Variants in TAB2 observed in about 807,000 individuals in gnomAD.
TAB2 encodes the protein TGF-beta-activated kinase 1 and MAP3K7-binding protein 2.
In TAB2, 3 loss-of-function variants were observed where a neutral mutation model predicts 65.0. That is an observed-to-expected ratio of 0.05 (90% CI 0.02 to 0.12). The LOEUF is 0.12. Among genes scored for constraint, TAB2 ranks in the 10% least tolerant of loss-of-function variants. The pLI, the probability that TAB2 is intolerant of heterozygous loss-of-function variation, is 1.00. For synonymous variants in TAB2, 298 were observed against 285.1 expected, an observed-to-expected ratio of 1.05 and a Z score of -0.46; for missense variants, 623 against 840.3, an observed-to-expected ratio of 0.74 and a Z score of 3.20.
At chr6:149,255,876 G>A (rs1778018218) in intron 1 of TAB2, among the ~76,000 whole-genome samples, 1 of 152,220 alleles carries the variant, frequency 6.6e-6, no homozygotes, top group East Asian at 1.9e-4. Flanking sequence ...GGCAGTCGTT[G>A]CAGACCATAT....
chr6:149,355,486 A>C (rs183665834), intron 1 of TAB2, among the ~76,000 whole-genome samples: 15 of 151,962 alleles, frequency 9.9e-5, no homozygotes, highest in Admixed American at 9.8e-4. Flanking sequence ...GCCAACGTGG[A>C]GAAACCCCCG....
At position 149,253,922 on chromosome 6, in the gene TAB2, G is replaced by A. The variant is rs188871305; in HGVS notation, c.-121+35146G>A. Among the ~76,000 whole-genome samples the A allele has an allele frequency of 1.4e-3, 60 of 42,988 alleles. No homozygotes were observed. In the East Asian group the frequency reaches 0.058, roughly 42 times the overall value. 28.2% of individuals were successfully genotyped at this position (42,988 alleles called of 152,430 possible). A position where few individuals can be genotyped will look rare whatever the true frequency, so the allele number is the denominator to read the frequency against. On this transcript the variant is annotated intron_variant, in intron 1 of 1. Transcript: ENST00000606202. ...GGGTGACAGAGAGAGACTCCATCTC[G>A]AAAGAAAGAAAGAAAGAAAGAGAAA...
At chr6:149,377,142 T>G (rs1781427797) in intron 2 of TAB2, among the ~76,000 whole-genome samples, 1 of 149,922 alleles carries the variant, frequency 6.7e-6, no homozygotes, top group Non-Finnish European at 1.5e-5. Context: ...CAGTCTCGGC[T>G]CACTGCAAGC....
intron 1 of TAB2, among the ~76,000 whole-genome samples, chr6:149,224,650 T>C (rs561463678): frequency 6.6e-6 from 1 of 152,258 alleles, no homozygotes; most frequent in Admixed American, 6.5e-5. Context: ...CAGCCCACAG[T>C]GCCACAAGAG....
chr6:149,271,320 T>A (rs1186106125), intron 1 of TAB2, among the ~76,000 whole-genome samples: 1 of 152,182 alleles, frequency 6.6e-6, no homozygotes, highest in Non-Finnish European at 1.5e-5. Context: ...GTTCTAGGGA[T>A]GTAAATAATT....
chr6:149,322,519 C>T (rs1003592502), intron 1 of TAB2, among the ~76,000 whole-genome samples: 2 of 152,058 alleles, frequency 1.3e-5, no homozygotes, highest in African/African-American at 2.4e-5. Flanking sequence ...GATAGAAAAT[C>T]GGAGTTTTTA....
intron 1 of TAB2, among the ~76,000 whole-genome samples, chr6:149,338,331 A>G (rs938420413): frequency 4.6e-5 from 7 of 152,206 alleles, no homozygotes; most frequent in African/African-American, 1.7e-4. Context: ...TTTCAGAACT[A>G]TGGAAGTAAT....
intron 1 of TAB2, among the ~76,000 whole-genome samples, chr6:149,328,568 A>C (rs1356635709): frequency 1.3e-5 from 2 of 152,220 alleles, no homozygotes; most frequent in Non-Finnish European, 2.9e-5. Context: ...CTGGGATTAC[A>C]GGCACGAGCC....
intron 1 of TAB2, among the ~76,000 whole-genome samples, chr6:149,341,281 C>G (rs887983081): frequency 6.6e-6 from 1 of 152,010 alleles, no homozygotes; most frequent in African/African-American, 2.4e-5. Context: ...CTCTCATATA[C>G]TCAATTTGTG....
At chr6:149,225,544 G>A (rs1425356710) in intron 1 of TAB2, among the ~76,000 whole-genome samples, 1 of 152,178 alleles carries the variant, frequency 6.6e-6, no homozygotes, top group African/African-American at 2.4e-5. Flanking sequence ...CTGGCAGGCA[G>A]AGTCAGACAG....
At chr6:149,219,603 T>C (rs1024005093) in intron 1 of TAB2, among the ~76,000 whole-genome samples, 1 of 152,210 alleles carries the variant, frequency 6.6e-6, no homozygotes, top group African/African-American at 2.4e-5. Flanking sequence ...GAGAAGTCTG[T>C]GCTGTTTTGT....
chr6:149,303,500 T>TA (rs1779004971), intron 1 of TAB2, among the ~76,000 whole-genome samples: 2 of 152,142 alleles, frequency 1.3e-5, no homozygotes, highest in Admixed American at 6.6e-5. Context: ...TATGTATTTA[T>TA]ATATATAAAT....
rs10553494 is a variant in TAB2 at position 149,229,393 on chromosome 6, CGTGTGT to C, written c.-121+10638_-121+10643del. On this transcript the variant is annotated intron_variant, in intron 1 of 1. Transcript: ENST00000606202. The stretch of plus-strand genomic sequence containing the variant: ...ATGGCACCCAGCAAACCTTTAAAGA[CGTGTGT>C]GTGTGTGTGTGTGTGTGTGTTTGTG... 2.1e-3 allele frequency among the ~76,000 whole-genome samples: 314 copies of C among 149,170 alleles called. 1 individual carries two copies. The highest frequency in any genetic ancestry group is 6.6e-3 in the African/African-American group (269 of 40,558).
intron 1 of TAB2, among the ~76,000 whole-genome samples, chr6:149,327,880 T>C (rs1583092443): frequency 6.6e-6 from 1 of 152,356 alleles, no homozygotes; most frequent in East Asian, 1.9e-4. Flanking sequence ...TTGAATGCCC[T>C]TTGAGATTGT....
At chr6:149,306,489 C>T (rs770467908) in intron 1 of TAB2, among the ~76,000 whole-genome samples, 19 of 148,434 alleles carry the variant, frequency 1.3e-4, no homozygotes, top group Non-Finnish European at 1.5e-5. Flanking sequence ...AACCAGGAGG[C>T]GGAGCTTGCA....
chr6:149,236,408 T>A (rs1777495385), intron 1 of TAB2, among the ~76,000 whole-genome samples: 1 of 152,200 alleles, frequency 6.6e-6, no homozygotes, highest in African/African-American at 2.4e-5. Context: ...GAGGAGCTTT[T>A]TCAAATTATT....
At chr6:149,287,461 A>G (rs2114691339) in intron 1 of TAB2, among the ~76,000 whole-genome samples, 1 of 144,872 alleles carries the variant, frequency 6.9e-6, no homozygotes. Context: ...AAGGGAATAT[A>G]ACAAGCAAAC....
At chr6:149,369,806 T>G in intron 1 of TAB2, 103 bp from the exon 2 acceptor site, 1 of 612,902 alleles carries the variant, frequency 1.6e-6, no homozygotes, top group Non-Finnish European at 2.9e-6. Flanking sequence ...GTTTATAATG[T>G]TAAGTGCTAA....
At chr6:149,317,146 A>C (rs1350349478), upstream of TAB2, among the ~76,000 whole-genome samples, 1 of 151,496 alleles carries the variant, frequency 6.6e-6, no homozygotes, top group Non-Finnish European at 1.5e-5. The surrounding 1 kb of genome is among the most constrained non-coding windows in gnomAD (Gnocchi z 4.7). Flanking sequence ...TGCAGCTGGG[A>C]CGCGAGCTCA....
Sources: allele counts gnomAD v4.1 joint callset (sites outside exome capture counted in the v4.1 genomes callset), GRCh38; gene constraint gnomAD v4.1.1; non-coding constraint Gnocchi (gnomAD v3.1); transcripts MANE v1.5; gene names NCBI Gene and HGNC (gene_info 2026-07-23, HGNC 2026-07-21).